Variants in LSM14A observed in about 807,000 individuals in gnomAD.
The protein encoded by LSM14A is LSM14A mRNA processing body assembly factor.
In LSM14A, 14 loss-of-function variants were observed where a neutral mutation model predicts 52.4. The observed-to-expected ratio is 0.27, with a 90% confidence interval of 0.18 to 0.42. LSM14A has a LOEUF of 0.42. LSM14A is among the 10% of genes least tolerant of loss of function. LSM14A has a pLI of 1.00. For synonymous variants in LSM14A, 185 were observed against 200.3 expected (o/e 0.92, Z 0.64); for missense variants, 417 against 581.8 (o/e 0.72, Z 2.91).
intron 9 of LSM14A, among the ~76,000 whole-genome samples, chr19:34,226,769 T>A (rs670286): frequency 2.0e-5 from 3 of 151,878 alleles, no homozygotes; most frequent in Non-Finnish European, 2.9e-5. Context: ...GGTCAGTCTC[T>A]CTGGAAATCT....
intron 1 of LSM14A, among the ~76,000 whole-genome samples, chr19:34,177,074 T>C (rs1389110893): frequency 1.3e-5 from 2 of 152,240 alleles, no homozygotes; most frequent in Admixed American, 1.3e-4. Context: ...TTTCATAAAA[T>C]GCCTTTGAAA....
intron 3 of LSM14A, among the ~76,000 whole-genome samples, chr19:34,197,183 G>A (rs896504822): frequency 6.6e-6 from 1 of 151,836 alleles, no homozygotes; most frequent in Non-Finnish European, 1.5e-5. Flanking sequence ...CTTCCACCTC[G>A]TGGGTTTAAG....
intron 9 of LSM14A, among the ~76,000 whole-genome samples, chr19:34,224,140 C>T (rs1020932552): frequency 3.3e-5 from 5 of 151,878 alleles, no homozygotes; most frequent in African/African-American, 1.2e-4. Context: ...ACCAGCCTGG[C>T]TAACATGGTG....
At chr19:34,186,984 C>CA (rs1231210108) in intron 1 of LSM14A, among the ~76,000 whole-genome samples, 3 of 151,736 alleles carry the variant, frequency 2.0e-5, no homozygotes. Context: ...TCACACCTGT[C>CA]ATCCCAACTC....
At position 34,219,440 on chromosome 19, in the gene LSM14A, T is replaced by A; in HGVS notation, c.831T>A (p.Gly277=). The A allele has an allele frequency of 6.2e-7, 1 of 1,613,768 alleles. No individual in the cohort carries two copies. Among genetic ancestry groups the A allele is most frequent in the South Asian group, 1.1e-5 (1 of 91,052 alleles). Residue 277 remains glycine, a synonymous_variant, in exon 7 of 10, where the codon GGT becomes GGA. Transcript: ENST00000544216. ...GGAGAGGGCGTGGGGGTCATCGGGG[T>A]GGCAGGGGAAGATTTGGTATTCGGC... ...APRRGRGGHR[G]GRGRFGIRRD...
At chr19:34,218,778 C>G (rs1229122997) in intron 6 of LSM14A, among the ~76,000 whole-genome samples, 1 of 150,496 alleles carries the variant, frequency 6.6e-6, no homozygotes, top group East Asian at 2.0e-4. Flanking sequence ...TGTGTAGATA[C>G]AGGAAGGCTT....
At chr19:34,183,614 C>A (rs1294252580) in intron 1 of LSM14A, among the ~76,000 whole-genome samples, 1 of 151,932 alleles carries the variant, frequency 6.6e-6, no homozygotes, top group African/African-American at 2.4e-5. Context: ...GAGACAACAT[C>A]AACACAGTTT....
chr19:34,210,035 A>G (rs182751571), intron 4 of LSM14A, among the ~76,000 whole-genome samples: 50 of 152,012 alleles, frequency 3.3e-4, no homozygotes, highest in Non-Finnish European at 8.8e-5. Flanking sequence ...ATCTATTTTT[A>G]TGCACTTTAG....
At chr19:34,200,820 TC>T (rs1201682586) in intron 3 of LSM14A, among the ~76,000 whole-genome samples, 1 of 152,186 alleles carries the variant, frequency 6.6e-6, no homozygotes, top group East Asian at 1.9e-4. Context: ...TAGAATCCTT[TC>T]CTGGGGATTC....
Position 34,227,790 on chromosome 19 carries a change from T to TTGTGTGTGTGTGTGTGTGTGTGTGTGTG in LSM14A, c.*414_*441dup, listed in dbSNP as rs71165635. The TTGTGTGTGTGTGTGTGTGTGTGTGTGTG allele has an allele frequency of 6.6e-6, 1 of 152,312 alleles. No homozygotes were observed. 9.4% of individuals were successfully genotyped at this position (152,312 alleles called of 1,614,324 possible). The stretch of plus-strand genomic sequence containing the variant: ...ATACTGTGTTTTGAGCCACAGAAGG[T>TTGTGTGTGTGTGTGTGTGTGTGTGTGTG]TGTGTGTGTGTGTGTGTGTGTGTGT... On this transcript the variant is annotated 3_prime_UTR_variant, in exon 10 of 10. Transcript: ENST00000544216.
intron 3 of LSM14A, among the ~76,000 whole-genome samples, chr19:34,204,539 T>A (rs1361849385): frequency 2.7e-5 from 4 of 145,750 alleles, no homozygotes; most frequent in Non-Finnish European, 6.0e-5. Context: ...TAGGGAGACC[T>A]TGTCTCTGCA....
chr19:34,213,946 A>G (rs1340470690), intron 4 of LSM14A, among the ~76,000 whole-genome samples: 2 of 148,758 alleles, frequency 1.3e-5, no homozygotes, highest in Non-Finnish European at 3.0e-5. Flanking sequence ...ACACCTGGCT[A>G]ATTTTTGTAT....
At chr19:34,192,316 GTTGTTTTTTTTTTT>G in intron 1 of LSM14A, among the ~76,000 whole-genome samples, 1 of 65,784 alleles carries the variant, frequency 1.5e-5, no homozygotes, top group Non-Finnish European at 2.9e-5. Flanking sequence ...CATTCTTTTT[GTTGTTTTTTTTTTT>G]TTTTTTTTTT....
rs67310344 is a variant in LSM14A, at chr19:34,198,307, C to CA, written c.415+1553dup. ...TTATTCACAAAATAACAAAGAATGG[C>CA]AAAAAAAAAGCAAACTAAAACTGAA... On this transcript the variant is annotated intron_variant, in intron 3 of 9. Transcript: ENST00000544216. 2.8e-3 allele frequency among the ~76,000 whole-genome samples: 420 copies of CA among 151,286 alleles called. 2 individuals carry two copies. Among genetic ancestry groups the CA allele is most frequent in the African/African-American group, 8.5e-3 (349 of 41,236 alleles).
intron 3 of LSM14A, among the ~76,000 whole-genome samples, chr19:34,201,242 T>C (rs73038697): frequency 0.011 from 1,602 of 152,240 alleles, 20 homozygotes; most frequent in Middle Eastern, 0.034. Flanking sequence ...ATTTGTGGAG[T>C]GGCTAATTAG....
chr19:34,185,902 G>T (rs2145563480), intron 1 of LSM14A, among the ~76,000 whole-genome samples: 1 of 152,260 alleles, frequency 6.6e-6, no homozygotes, highest in South Asian at 2.1e-4. Flanking sequence ...GGTTGGGTTT[G>T]TTTTTCCCAC....
At chr19:34,203,661 G>A (rs2071466105) in intron 3 of LSM14A, among the ~76,000 whole-genome samples, 1 of 151,860 alleles carries the variant, frequency 6.6e-6, no homozygotes, top group African/African-American at 2.4e-5. Flanking sequence ...AAATGAGCCG[G>A]GCTTGGTGGC....
intron 2 of LSM14A, among the ~76,000 whole-genome samples, chr19:34,196,074 T>A (rs2070813572): frequency 6.6e-6 from 1 of 152,300 alleles, no homozygotes; most frequent in African/African-American, 2.4e-5. Context: ...GAAGTATACA[T>A]GTATTAATAT....
chr19:34,218,785 G>C (rs1386859518), intron 6 of LSM14A, among the ~76,000 whole-genome samples: 1 of 151,332 alleles, frequency 6.6e-6, no homozygotes, highest in Non-Finnish European at 1.5e-5. Context: ...ATACAGGAAG[G>C]CTTGAATAAT....
Sources: gnomAD v4.1 joint callset for allele counts (sites outside exome capture counted in the v4.1 genomes callset) on GRCh38, gnomAD v4.1.1 for gene constraint, MANE v1.5 for transcripts, NCBI Gene and HGNC (gene_info 2026-07-23, HGNC 2026-07-21) for gene names.